AOPEP: variants seen among roughly 807,000 people sequenced by gnomAD.
AOPEP encodes the protein aminopeptidase O (putative).
Under a neutral mutation model 98.1 loss-of-function variants are expected in AOPEP, and 77 were observed. That is an observed-to-expected ratio of 0.78 (90% confidence interval 0.65 to 0.95). The LOEUF (loss-of-function observed/expected upper bound fraction) is 0.95. AOPEP is among the 40% of genes least tolerant of loss of function. The probability of loss-of-function intolerance (pLI) is 0.00; values close to 1 mark genes in which losing one functional copy is unlikely to be tolerated. For synonymous variants in AOPEP, 346 were observed against 365.3 expected (o/e 0.95, Z 0.60); for missense variants, 1,024 against 1,024.7 (o/e 1.00, Z 0.01).
intron 5 of AOPEP, among the ~76,000 whole-genome samples, chr9:94,819,251 C>T (rs1852419403): frequency 6.6e-6 from 1 of 152,192 alleles, no homozygotes; most frequent in African/African-American, 2.4e-5. Context: ...TTATCTGAGC[C>T]ATTATCTGAC....
At chr9:95,083,159 G>C in intron 16 of AOPEP, 1 of 177,820 alleles carries the variant, frequency 5.6e-6, no homozygotes, top group Non-Finnish European at 1.2e-5. Context: ...GCTTCTGCAA[G>C]CAGATGTTTT....
At chr9:95,037,915 C>T (rs143561632) in intron 13 of AOPEP, among the ~76,000 whole-genome samples, 36 of 152,232 alleles carry the variant, frequency 2.4e-4, no homozygotes, top group Admixed American at 4.6e-4. Flanking sequence ...AGTGTCATGC[C>T]GTGGTGGGGA....
intron 5 of AOPEP, among the ~76,000 whole-genome samples, chr9:94,894,065 G>A (rs980129286): frequency 5.9e-5 from 9 of 152,086 alleles, no homozygotes; most frequent in African/African-American, 2.2e-4. Context: ...ACCCCAAAAT[G>A]CAGAATATCT....
chr9:95,050,527 A>G lies in AOPEP; in HGVS notation c.2116-10167A>G, dbSNP rs368614778. ...CTGTGAAATAAAACTGAAACTTTGG[A>G]TAGGAGATTGTACAGTACTCTCCAC... On this transcript the variant is annotated intron_variant, in intron 13 of 16. Transcript: ENST00000375315. Among the ~76,000 whole-genome samples, 4 of 152,338 alleles carry G rather than the reference A, an allele frequency of 2.6e-5. No homozygotes were observed. In the East Asian group the frequency reaches 5.8e-4, roughly 22 times the overall value.
At chr9:94,765,948 A>G (rs915472406) in intron 2 of AOPEP, among the ~76,000 whole-genome samples, 4 of 152,172 alleles carry the variant, frequency 2.6e-5, no homozygotes, top group South Asian at 2.1e-4. Flanking sequence ...TACATATATA[A>G]CAATCAGATA....
At chr9:94,987,337 G>A (rs1159462843) in intron 11 of AOPEP, among the ~76,000 whole-genome samples, 1 of 152,268 alleles carries the variant, frequency 6.6e-6, no homozygotes, top group African/African-American at 2.4e-5. Flanking sequence ...GGCAGGTAGA[G>A]CATGGGCAGG....
At chr9:94,844,414 G>T (rs1251639397) in intron 5 of AOPEP, among the ~76,000 whole-genome samples, 1 of 152,208 alleles carries the variant, frequency 6.6e-6, no homozygotes, top group African/African-American at 2.4e-5. Flanking sequence ...TGATGTTTCA[G>T]TGCATGTATA....
At chr9:94,836,444 T>C (rs1383659740) in intron 5 of AOPEP, among the ~76,000 whole-genome samples, 1 of 152,188 alleles carries the variant, frequency 6.6e-6, no homozygotes, top group Non-Finnish European at 1.5e-5. Context: ...TTGTAGTTTC[T>C]CATTGTGTTT....
chr9:95,149,754 C>T, the AOPEP span, among the ~76,000 whole-genome samples: 2,076 of 152,150 alleles, frequency 0.014, 57 homozygotes, highest in African/African-American at 0.047. Context: ...GCTGGGATTA[C>T]AGGTGTGAGC....
chr9:94,781,630 C>T (rs993168385), intron 3 of AOPEP, among the ~76,000 whole-genome samples: 5 of 150,768 alleles, frequency 3.3e-5, no homozygotes, highest in East Asian at 2.0e-4. Context: ...GCACGATCTC[C>T]GCTCACTGCA....
At chr9:94,910,513 T>C (rs373466509) in intron 5 of AOPEP, among the ~76,000 whole-genome samples, 15 of 152,250 alleles carry the variant, frequency 9.9e-5, no homozygotes, top group African/African-American at 3.6e-4. Context: ...GTCTCCCTGC[T>C]GTGGGCACGC....
intron 9 of AOPEP, among the ~76,000 whole-genome samples, chr9:94,961,259 G>T (rs551072024): frequency 1.7e-4 from 26 of 152,232 alleles, no homozygotes; most frequent in Non-Finnish European, 2.6e-4. Flanking sequence ...ATCAGGAAAT[G>T]GCTTGGTGTC....
In AOPEP at chr9:94,792,886, G is replaced by C; in HGVS notation, c.1086G>C (p.Glu362Asp). ...ETWSSNDLAT[E>D]RPFSPSEANF... ...GGTCATCAAATGATTTGGCAACAGA[G>C]AGACCCTTCTCACCTTCTGAGGCCA... is the stretch of plus-strand genomic sequence containing the variant. The change falls in exon 4 of 17, where the codon GAG (glutamate) becomes GAC (aspartate). Residue 362 changes from glutamate to aspartate, a missense_variant. This residue lies in a region of AOPEP where 18 missense variants were observed against 39.1 expected (regional missense o/e 0.46). Transcript: ENST00000375315. 6.2e-7 allele frequency: 1 copy of C among 1,612,706 alleles called. No individual in the cohort carries two copies. Among genetic ancestry groups the C allele is most frequent in the South Asian group, 1.1e-5 (1 of 90,966 alleles).
intron 3 of AOPEP, among the ~76,000 whole-genome samples, chr9:94,775,611 C>T (rs986684414): frequency 5.3e-5 from 8 of 152,118 alleles, no homozygotes; most frequent in Admixed American, 3.3e-4. Flanking sequence ...GTGATCTGCC[C>T]GCCTAAGCCT....
rs1162195685 is a variant in AOPEP, at chr9:94,980,678, G to GA, written c.1977+1257dup. The stretch of plus-strand genomic sequence containing the variant: ...GTCCAGTCCTTCTGGGAGGAAAAAA[G>GA]AAAAAACATCCCGAGTTTTACAAAT... On this transcript the variant is annotated intron_variant, in intron 11 of 16. Transcript: ENST00000375315. This position sits in a 1 kb window ranked among gnomAD's most constrained non-coding sequence, Gnocchi z 4.3. 2.0e-5 allele frequency among the ~76,000 whole-genome samples: 3 copies of GA among 152,086 alleles called. No homozygotes were observed. The highest frequency in any genetic ancestry group is 7.2e-5 in the African/African-American group (3 of 41,422).
intron 13 of AOPEP, among the ~76,000 whole-genome samples, chr9:95,020,918 CAA>C (rs55696602): frequency 5.5e-5 from 4 of 73,366 alleles, no homozygotes; most frequent in African/African-American, 5.0e-5. Context: ...GACCTTGTCT[CAA>C]AAAAAAAAAA....
At chr9:95,055,354 G>T (rs535005285) in intron 13 of AOPEP, among the ~76,000 whole-genome samples, 1 of 152,244 alleles carries the variant, frequency 6.6e-6, no homozygotes, top group South Asian at 2.1e-4. Flanking sequence ...TTTCTTTTTG[G>T]ATTATGAGGA....
At chr9:95,089,890 C>G (rs549889866), downstream of AOPEP, among the ~76,000 whole-genome samples, 22 of 152,264 alleles carry the variant, frequency 1.4e-4, no homozygotes, top group African/African-American at 5.3e-4. Context: ...GAACAACCTT[C>G]TTTACCAACA....
chr9:94,887,259 G>A (rs1484356212), intron 5 of AOPEP, among the ~76,000 whole-genome samples: 1 of 152,050 alleles, frequency 6.6e-6, no homozygotes, highest in African/African-American at 2.4e-5. Context: ...GAGGTGGGAG[G>A]ATGGCTTGAG....
Sources: allele counts gnomAD v4.1 joint callset (sites outside exome capture counted in the v4.1 genomes callset), GRCh38; gene constraint gnomAD v4.1.1; regional missense constraint gnomAD v4.1.1; non-coding constraint Gnocchi (gnomAD v3.1); transcripts MANE v1.5; gene names NCBI Gene and HGNC (gene_info 2026-07-23, HGNC 2026-07-21).